NR3C1: variants seen among roughly 807,000 people sequenced by gnomAD.
The protein encoded by NR3C1 is glucocorticoid receptor.
NR3C1 carries 14 observed loss-of-function variants against 74.0 expected under a neutral mutation model. That is an observed-to-expected ratio of 0.19 (90% CI 0.12 to 0.30). The LOEUF (loss-of-function observed/expected upper bound fraction) is 0.30. Among genes scored for constraint, NR3C1 ranks in the 10% least tolerant of loss-of-function variants. The pLI is 1.00. For synonymous variants in NR3C1, 308 were observed against 332.5 expected (o/e 0.93, Z 0.80); for missense variants, 695 against 909.8 (o/e 0.76, Z 3.04).
rs912839374 is a variant in NR3C1, at chr5:143,313,956, T to C, written c.1351+46A>G. 6.2e-6 allele frequency: 10 copies of C among 1,603,640 alleles called. No individual in the cohort carries two copies. In the African/African-American group the frequency reaches 1.1e-4, roughly 17 times the overall value. On this transcript the variant is annotated intron_variant, in intron 3 of 8. Coordinates refer to ENST00000394464, the MANE Select transcript of NR3C1 (RefSeq NM_000176.3). The stretch of plus-strand genomic sequence containing the variant: ...AAATTTCAAAATCCACCCTGAGAAA[T>C]GAAAACCAAGTAGAGGAAAAATAAA...
chr5:143,323,396 A>G (rs1332449264), intron 2 of NR3C1, among the ~76,000 whole-genome samples: 1 of 152,176 alleles, frequency 6.6e-6, no homozygotes, highest in East Asian at 1.9e-4. Context: ...TGATAAACCC[A>G]TGAGATCTCG....
At chr5:143,379,532 C>A (rs1048825896) in intron 2 of NR3C1, among the ~76,000 whole-genome samples, 1 of 151,936 alleles carries the variant, frequency 6.6e-6, no homozygotes, top group African/African-American at 2.4e-5. Context: ...TGTGACAAAT[C>A]GCAAAAAAAT....
chr5:143,312,188 C>A (rs111616921), intron 3 of NR3C1, among the ~76,000 whole-genome samples: 19,614 of 152,098 alleles, frequency 0.13, 1,463 homozygotes, highest in Middle Eastern at 0.29. Flanking sequence ...TAGCCAGCCT[C>A]CCAAGATGGC....
intron 2 of NR3C1, among the ~76,000 whole-genome samples, chr5:143,362,345 C>G (rs1402572399): frequency 1.3e-5 from 2 of 151,426 alleles, no homozygotes; most frequent in Non-Finnish European, 2.9e-5. Context: ...GAATGGACCT[C>G]TTTCATGAAG....
At chr5:143,365,099 C>T (rs983084401) in intron 2 of NR3C1, among the ~76,000 whole-genome samples, 3 of 151,530 alleles carry the variant, frequency 2.0e-5, no homozygotes, top group African/African-American at 4.8e-5. Flanking sequence ...AAATTAAAAT[C>T]GTTACACTAG....
Position 143,336,907 on chromosome 5 carries a change from G to C in NR3C1, c.1185-22739C>G, listed in dbSNP as rs77019264. Among the ~76,000 whole-genome samples, 901 of 151,878 alleles carry C rather than the reference G, an allele frequency of 5.9e-3. 13 individuals are homozygous for C. Among genetic ancestry groups the C allele is most frequent in the Non-Finnish European group, 9.3e-3 (629 of 67,884 alleles). On this transcript the variant is annotated intron_variant, in intron 2 of 8. Transcript: ENST00000394464. ...GACAGGGAAAAGCTTGAACCCAGGA[G>C]GTGGAGGCTGCAGTGAGCCAAGACT... is the stretch of plus-strand genomic sequence containing the variant.
Position 143,280,960 on chromosome 5 carries a change from C to A in NR3C1, c.*929G>T, listed in dbSNP as rs1812991100. The A allele has an allele frequency of 6.6e-6, 1 of 152,134 alleles. No homozygotes were observed. The highest frequency in any genetic ancestry group is 2.1e-4 in the South Asian group (1 of 4,826). 9.4% of individuals were successfully genotyped at this position (152,134 alleles called of 1,614,324 possible). A position where few individuals can be genotyped will look rare whatever the true frequency, so the allele number is the denominator to read the frequency against. On this transcript the variant is annotated 3_prime_UTR_variant, in exon 9 of 9. Coordinates refer to ENST00000394464, the MANE Select transcript of NR3C1 (RefSeq NM_000176.3). ...GCAAAAATAGGGCGTTAGGTACAGA[C>A]AGGGCCTCTTGGTAGTTATTTTTTA...
intron 2 of NR3C1, among the ~76,000 whole-genome samples, chr5:143,350,912 C>T (rs929546232): frequency 1.3e-5 from 2 of 152,112 alleles, no homozygotes; most frequent in Non-Finnish European, 2.9e-5. Flanking sequence ...CTGGAAAGTG[C>T]CCACTGAATT....
At chr5:143,411,888 G>A (rs1466890027) in intron 1 of NR3C1, among the ~76,000 whole-genome samples, 1 of 152,026 alleles carries the variant, frequency 6.6e-6, no homozygotes, top group East Asian at 1.9e-4. Flanking sequence ...GCAGTGAGGA[G>A]ACAGGCACAT....
At chr5:143,283,359 T>C (rs940165464) in intron 7 of NR3C1, among the ~76,000 whole-genome samples, 2 of 152,192 alleles carry the variant, frequency 1.3e-5, no homozygotes, top group African/African-American at 4.8e-5. Flanking sequence ...TTCTCATCTA[T>C]AAAATGGAAG....
chr5:143,401,067 C>A (rs1043533481), intron 1 of NR3C1, among the ~76,000 whole-genome samples: 1 of 152,196 alleles, frequency 6.6e-6, no homozygotes, highest in African/African-American at 2.4e-5. Context: ...AAGTACAATG[C>A]AATCCATTTG....
chr5:143,406,578 A>T (rs766417319), upstream of NR3C1, among the ~76,000 whole-genome samples: 3 of 152,218 alleles, frequency 2.0e-5, no homozygotes, highest in Non-Finnish European at 4.4e-5. Flanking sequence ...ACAAATAGTT[A>T]TGATTTGTGG....
intron 4 of NR3C1, among the ~76,000 whole-genome samples, chr5:143,309,541 G>C (rs2151599547): frequency 6.6e-6 from 1 of 152,104 alleles, no homozygotes; most frequent in South Asian, 2.1e-4. Flanking sequence ...CACAAACTTC[G>C]GGGATTACAG....
exon 1 of NR3C1, chr5:143,434,932 C>T (rs914436211): frequency 1.0e-6 from 1 of 985,170 alleles, no homozygotes; most frequent in African/African-American, 1.7e-5. Context: ...AATTTCAGAT[C>T]AGAAGATCCT....
At chr5:143,298,577 CT>C in intron 6 of NR3C1, 90 bp downstream of exon 6, 1 of 1,402,986 alleles carries the variant, frequency 7.1e-7, no homozygotes, top group Non-Finnish European at 1.0e-6. Context: ...TGTTTCAGTC[CT>C]GAATTATCAC....
upstream of NR3C1, among the ~76,000 whole-genome samples, chr5:143,406,484 C>CA (rs1402479182): frequency 6.6e-6 from 1 of 151,080 alleles, no homozygotes; most frequent in Non-Finnish European, 1.5e-5. Flanking sequence ...AATTTGATAG[C>CA]AAAAAAATTC....
chr5:143,403,326 A>T lies in NR3C1; in HGVS notation c.-129T>A, dbSNP rs540127346. 1.0e-6 allele frequency: 1 copy of T among 985,202 alleles called. No individual in the cohort carries two copies. Among genetic ancestry groups the T allele is most frequent in the Admixed American group, 6.1e-5 (1 of 16,292 alleles). The allele number at this position is 985,202 out of a possible 1,614,324, so 61.0% of individuals were successfully genotyped here. On this transcript the variant is annotated 5_prime_UTR_variant, in exon 1 of 9. Coordinates refer to ENST00000394464, the MANE Select transcript of NR3C1 (RefSeq NM_000176.3). ...GAGGGAAATATATTTTTTTTTTCTA[A>T]AAAAAGGAAGTAAACAGCCGCCCCT...
chr5:143,417,401 A>C (rs1437160253), intron 1 of NR3C1, among the ~76,000 whole-genome samples: 3 of 152,246 alleles, frequency 2.0e-5, no homozygotes, highest in Non-Finnish European at 2.9e-5. Flanking sequence ...GATTCAATAG[A>C]CATTTATTTA....
At chr5:143,373,275 C>T (rs1353962806) in intron 2 of NR3C1, among the ~76,000 whole-genome samples, 2 of 152,044 alleles carry the variant, frequency 1.3e-5, no homozygotes, top group Non-Finnish European at 2.9e-5. Flanking sequence ...TTCACAGCAG[C>T]GTTGTTCAAA....
Sources: allele counts gnomAD v4.1 joint callset (sites outside exome capture counted in the v4.1 genomes callset), GRCh38; gene constraint gnomAD v4.1.1; transcripts MANE v1.5; gene names NCBI Gene and HGNC (gene_info 2026-07-23, HGNC 2026-07-21).